RMC1: variants seen among roughly 807,000 people sequenced by gnomAD.
RMC1 encodes regulator of MON1-CCZ1, also known as regulator of MON1-CCZ1 complex.
A neutral mutation model predicts 95.5 loss-of-function variants in RMC1; 44 were observed. That is an observed-to-expected ratio of 0.46 (90% confidence interval 0.36 to 0.59). The LOEUF is 0.59. Among genes scored for constraint, RMC1 ranks in the 20% least tolerant of loss-of-function variants. The pLI is 0.00. For synonymous variants in RMC1, 320 were observed against 303.6 expected (o/e 1.05, Z -0.56); for missense variants, 705 against 819.6 (o/e 0.86, Z 1.71).
intron 13 of RMC1, 79 bp downstream of exon 13, chr18:23,526,844 T>TACATTGTTGTGTCTTGTCTGTGACCC: frequency 6.5e-7 from 1 of 1,537,772 alleles, no homozygotes; most frequent in Non-Finnish European, 8.8e-7. Flanking sequence ...GGATGTGGGC[T>TACATTGTTGTGTCTTGTCTGTGACCC]ACATTGTTGT....
Position 23,509,263 on chromosome 18 carries a change from G to A in RMC1, c.392G>A (p.Gly131Glu). The A allele has an allele frequency of 6.9e-7, 1 of 1,442,002 alleles. No individual in the cohort carries two copies. Among genetic ancestry groups the A allele is most frequent in the Non-Finnish European group, 9.2e-7 (1 of 1,091,364 alleles). 89.3% of individuals were successfully genotyped at this position (1,442,002 alleles called of 1,614,324 possible). The change falls in exon 5 of 20, where the codon GGA becomes GAA. Residue 131 changes from glycine (G) to glutamate (E), a missense_variant. Gly to Glu is a moderately conservative substitution (Grantham distance 98, BLOSUM62 -2). Transcript: ENST00000269221. ...STEIVFITDQ[G>E]IEFYQVLPEK... ...GAAATTGTCTTCATAACAGATCAAG[G>A]AATCGAATTTTACCAGGTATTATGT...
intron 15 of RMC1, 153 bp downstream of exon 15, chr18:23,529,451 TCTAATGCTGAGGC>T (rs1205028328): frequency 1.5e-6 from 2 of 1,340,482 alleles, no homozygotes; most frequent in African/African-American, 3.0e-5. Flanking sequence ...TAGTTTGGCT[TCTAATGCTGAGGC>T]CTAAAGCATA....
rs188459828 is a variant in RMC1, at chr18:23,515,609, A to G, written c.409-247A>G. On this transcript the variant is annotated intron_variant, in intron 5 of 19. Coordinates refer to ENST00000269221, the MANE Select transcript of RMC1 (RefSeq NM_013326.5). ...GATGGTGCAATCTTGACTCACTGCA[A>G]CCTCTGCCTCCTGGGTTCATTCAAG... 8.5e-5 allele frequency among the ~76,000 whole-genome samples: 13 copies of G among 152,182 alleles called. No individual in the cohort carries two copies. The East Asian group carries it at 2.3e-3, about 27-fold the overall frequency.
rs764035477 is a variant in RMC1, at chr18:23,503,594, CCCCGCCGCGGGCGCGGCG to C, written c.-18_-1del. 7.0e-5 allele frequency: 107 copies of C among 1,533,602 alleles called. 1 individual carries two copies. The South Asian group carries it at 1.0e-3, about 15-fold the overall frequency. 95.0% of individuals were successfully genotyped at this position (1,533,602 alleles called of 1,614,324 possible). On this transcript the variant is annotated 5_prime_UTR_variant, in exon 1 of 20. Transcript: ENST00000269221. Reference sequence around the variant, plus strand: ...CCACTCTGGCGACCGCCCCCGGGGCCCCCGCCGCGGGCGCGGCGCCCGCCATGGGCGAGGAGGACTACT... The same window carrying C: ...CCACTCTGGCGACCGCCCCCGGGGCCCCCGCCATGGGCGAGGAGGACTACT...
intron 5 of RMC1, among the ~76,000 whole-genome samples, chr18:23,511,933 A>G (rs1333279051): frequency 3.3e-5 from 5 of 151,892 alleles, no homozygotes; most frequent in African/African-American, 7.3e-5. Context: ...CACTAGCAAT[A>G]TAGGAACTTC....
intron 4 of RMC1, 128 bp downstream of exon 4, chr18:23,508,169 C>A: frequency 2.6e-6 from 2 of 776,370 alleles, no homozygotes; most frequent in East Asian, 3.0e-5. Context: ...ATGTTGATTC[C>A]CAAACTGGAG....
chr18:23,507,923 C>A (rs1013003532), intron 3 of RMC1, 62 bp from the exon 4 acceptor site: 1 of 1,488,460 alleles, frequency 6.7e-7, no homozygotes, highest in Non-Finnish European at 9.2e-7. Flanking sequence ...AGTATGCCAA[C>A]GTAGGTTGGC....
rs765392851 is a variant in RMC1 at position 23,524,200 on chromosome 18, G to A, written c.1006+26G>A. On this transcript the variant is annotated intron_variant, in intron 11 of 19. Transcript: ENST00000269221. Reference sequence around the variant, plus strand: ...GTATCCTTTACTAAGGTGTGGCACCGTGCACAACAGGGCAAGTGGTCACCC... The same window carrying A: ...GTATCCTTTACTAAGGTGTGGCACCATGCACAACAGGGCAAGTGGTCACCC... 12 of 1,611,622 alleles carry A rather than the reference G, an allele frequency of 7.4e-6. No homozygotes were observed. The Middle Eastern group carries it at 8.2e-4, about 111-fold the overall frequency.
chr18:23,526,733 G>A lies in RMC1; in HGVS notation c.1157G>A (p.Cys386Tyr). ...LMDFLLQRKE[C>Y]KMVILSVCSQ... ...GACTTTCTCCTCCAGAGAAAGGAAT[G>A]CAAGATGGTCATCCTGTCTGTCTGT... The change falls in exon 13 of 20, where the codon TGC becomes TAC. Residue 386 changes from cysteine to tyrosine, a missense_variant. Coordinates refer to ENST00000269221, the MANE Select transcript of RMC1 (RefSeq NM_013326.5). The A allele has an allele frequency of 6.2e-7, 1 of 1,614,114 alleles. No homozygotes were observed. Among genetic ancestry groups the A allele is most frequent in the Non-Finnish European group, 8.5e-7 (1 of 1,180,024 alleles).
In RMC1 at chr18:23,530,569, A is replaced by G. The variant is rs1209455011; in HGVS notation, c.1851A>G (p.Glu617=). ...MLFYTIFRFF[E]QRNQRLRGSP... is the part of the protein sequence containing the mutation. Reference sequence around the variant, plus strand: ...TCTATACAATATTCCGCTTTTTTGAACAGCGAAACCAGCGTTTGCGAGGGA... The same window carrying G: ...TCTATACAATATTCCGCTTTTTTGAGCAGCGAAACCAGCGTTTGCGAGGGA... Residue 617 remains glutamate (E), a synonymous_variant, in exon 19 of 20, where the codon GAA becomes GAG. Transcript: ENST00000269221. The G allele has an allele frequency of 6.2e-7, 1 of 1,614,214 alleles. No individual in the cohort carries two copies. Among genetic ancestry groups the G allele is most frequent in the South Asian group, 1.1e-5 (1 of 91,084 alleles).
intron 10 of RMC1, among the ~76,000 whole-genome samples, chr18:23,523,728 A>G (rs1033634720): frequency 1.3e-5 from 2 of 152,136 alleles, no homozygotes; most frequent in African/African-American, 4.8e-5. Context: ...TCTTAAAGAA[A>G]AAAAAAGATA....
At chr18:23,525,886 GC>G (rs2058285189) in intron 12 of RMC1, among the ~76,000 whole-genome samples, 1 of 152,196 alleles carries the variant, frequency 6.6e-6, no homozygotes, top group Non-Finnish European at 1.5e-5. Flanking sequence ...GAGAGAATTA[GC>G]CCTGATGCTG....
intron 5 of RMC1, among the ~76,000 whole-genome samples, chr18:23,510,734 T>A (rs2057832670): frequency 6.6e-6 from 1 of 151,824 alleles, no homozygotes; most frequent in Admixed American, 6.6e-5. Flanking sequence ...GAGCTCAACA[T>A]CACTGATCAT....
chr18:23,531,550 C>G, intron 19 of RMC1, 75 bp from the exon 20 acceptor site: 1 of 1,571,430 alleles, frequency 6.4e-7, no homozygotes, highest in South Asian at 1.2e-5. Flanking sequence ...ACCCAGTAGA[C>G]ACACCTACGA....
intron 5 of RMC1, among the ~76,000 whole-genome samples, chr18:23,511,315 G>A (rs1044244065): frequency 6.6e-6 from 1 of 152,054 alleles, no homozygotes; most frequent in African/African-American, 2.4e-5. Flanking sequence ...GACACGGGGG[G>A]CTACTTGAGC....
intron 14 of RMC1, 88 bp from the exon 15 acceptor site, chr18:23,529,091 C>T (rs1438551680): frequency 7.9e-6 from 12 of 1,521,696 alleles, no homozygotes; most frequent in African/African-American, 4.2e-5. Context: ...GGGTCCACAT[C>T]GAAGAATTCA....
At chr18:23,529,121 A>C in intron 14 of RMC1, 58 bp from the exon 15 acceptor site, 1 of 1,582,106 alleles carries the variant, frequency 6.3e-7, no homozygotes, top group Non-Finnish European at 8.6e-7. Flanking sequence ...GATGAACTGT[A>C]AACAGCACCC....
intron 5 of RMC1, among the ~76,000 whole-genome samples, chr18:23,512,770 C>G (rs916974425): frequency 2.6e-5 from 4 of 151,970 alleles, no homozygotes; most frequent in African/African-American, 9.7e-5. Context: ...AAACATACAA[C>G]ATTTATTATC....
chr18:23,518,746 C>T, intron 7 of RMC1, 144 bp from the exon 8 acceptor site: 3 of 652,276 alleles, frequency 4.6e-6, no homozygotes, highest in South Asian at 1.9e-5. Context: ...CTTTGAGTAA[C>T]TGCATGTTTC....
Sources: allele counts gnomAD v4.1 joint callset (sites outside exome capture counted in the v4.1 genomes callset), GRCh38; gene constraint gnomAD v4.1.1; transcripts MANE v1.5; gene names NCBI Gene and HGNC (gene_info 2026-07-23, HGNC 2026-07-21).